Variants in PACRG observed in about 807,000 individuals in gnomAD.
The protein encoded by PACRG is parkin coregulated gene protein.
A neutral mutation model predicts 29.7 loss-of-function variants in PACRG; 29 were observed. That is an observed-to-expected ratio of 0.98 (90% CI 0.73 to 1.33). PACRG has a LOEUF of 1.33. PACRG is among the 40% of genes most tolerant of loss of function. The pLI is 0.00. For missense variants in PACRG, 279 were observed against 316.2 expected (o/e 0.88, Z 0.89); for synonymous variants, 116 against 118.7 (o/e 0.98, Z 0.15).
intron 3 of PACRG, among the ~76,000 whole-genome samples, chr6:163,073,856 G>T (rs1812300482): frequency 2.0e-5 from 3 of 152,156 alleles, no homozygotes; most frequent in African/African-American, 7.2e-5. Flanking sequence ...GATCATCAGA[G>T]AAATGCAAAT....
At chr6:163,257,272 G>C (rs978977094) in intron 4 of PACRG, among the ~76,000 whole-genome samples, 1 of 152,020 alleles carries the variant, frequency 6.6e-6, no homozygotes, top group Admixed American at 6.6e-5. Flanking sequence ...AACACAACAG[G>C]GCAATGATCT....
chr6:162,770,472 T>C (rs1783132629), intron 1 of PACRG, among the ~76,000 whole-genome samples: 1 of 152,186 alleles, frequency 6.6e-6, no homozygotes, highest in South Asian at 2.1e-4. Context: ...TTTGGGATTA[T>C]TGGCATATGA....
chr6:163,005,936 G>A (rs2182052), intron 2 of PACRG, among the ~76,000 whole-genome samples: 49,360 of 139,842 alleles, frequency 0.35, 9,441 homozygotes, highest in East Asian at 0.68. Flanking sequence ...TATATAACAT[G>A]TATAACAGTT....
chr6:162,919,696 A>G (rs1404684276), intron 2 of PACRG, among the ~76,000 whole-genome samples: 1 of 152,198 alleles, frequency 6.6e-6, no homozygotes. Context: ...TATTAATTGA[A>G]TGAAAGCATT....
In PACRG at chr6:162,893,562, C is replaced by T. The variant is rs553418427; in HGVS notation, c.291+79281C>T. 8.5e-4 allele frequency among the ~76,000 whole-genome samples: 121 copies of T among 142,878 alleles called. 1 individual carries two copies. Among genetic ancestry groups the T allele is most frequent in the African/African-American group, 2.8e-3 (108 of 38,982 alleles). 93.7% of individuals were successfully genotyped at this position (142,878 alleles called of 152,430 possible). On this transcript the variant is annotated intron_variant, in intron 2 of 4. Transcript: ENST00000366888. Reference sequence around the variant, plus strand: ...CCACACTCTGTTTTCAGAGGCACCACGCGTGCCCCAGATCTACACTCCTTG... The same window carrying T: ...CCACACTCTGTTTTCAGAGGCACCATGCGTGCCCCAGATCTACACTCCTTG...
intron 2 of PACRG, among the ~76,000 whole-genome samples, chr6:163,026,253 A>G (rs1207336438): frequency 6.6e-6 from 1 of 152,240 alleles, no homozygotes; most frequent in Non-Finnish European, 1.5e-5. Context: ...GGGAAAAATT[A>G]TATGCATTTA....
chr6:162,829,147 G>C (rs1286967679), intron 2 of PACRG, among the ~76,000 whole-genome samples: 1 of 152,184 alleles, frequency 6.6e-6, no homozygotes, highest in African/African-American at 2.4e-5. Context: ...CGTTACTAGT[G>C]AGCAGATTTA....
intron 2 of PACRG, among the ~76,000 whole-genome samples, chr6:163,036,227 A>G (rs1808174638): frequency 6.6e-6 from 1 of 152,178 alleles, no homozygotes; most frequent in Non-Finnish European, 1.5e-5. Flanking sequence ...ATCTCTCTAT[A>G]TGTTAAAACT....
At chr6:162,979,847 G>A (rs1802260128) in intron 2 of PACRG, among the ~76,000 whole-genome samples, 1 of 151,812 alleles carries the variant, frequency 6.6e-6, no homozygotes, top group Non-Finnish European at 1.5e-5. Context: ...CTATTTAATA[G>A]TAATTCGGAA....
chr6:163,114,805 T>C (rs1815893451), intron 4 of PACRG, among the ~76,000 whole-genome samples: 2 of 151,204 alleles, frequency 1.3e-5, no homozygotes, highest in African/African-American at 4.9e-5. Flanking sequence ...CAGTTAATTA[T>C]ACTCTATTGC....
chr6:162,829,659 T>C (rs1788578091), intron 2 of PACRG, among the ~76,000 whole-genome samples: 1 of 152,158 alleles, frequency 6.6e-6, no homozygotes, highest in Non-Finnish European at 1.5e-5. Context: ...TACCTAGCAA[T>C]GACATAGCCA....
intron 2 of PACRG, among the ~76,000 whole-genome samples, chr6:162,954,080 TG>T (rs1347334544): frequency 6.6e-6 from 1 of 152,238 alleles, no homozygotes; most frequent in Non-Finnish European, 1.5e-5. Flanking sequence ...ATAATTGTTT[TG>T]CCTGTGGATA....
At chr6:163,191,270 C>A (rs1201868454) in intron 4 of PACRG, among the ~76,000 whole-genome samples, 1 of 152,102 alleles carries the variant, frequency 6.6e-6, no homozygotes, top group East Asian at 1.9e-4. Flanking sequence ...CTTCCCGCCA[C>A]CCCCCAAACC....
intron 4 of PACRG, among the ~76,000 whole-genome samples, chr6:163,246,812 A>C (rs1049835248): frequency 1.3e-5 from 2 of 152,262 alleles, no homozygotes; most frequent in Admixed American, 6.5e-5. Context: ...CCAAGGAAAA[A>C]AATACAGGAG....
intron 3 of PACRG, among the ~76,000 whole-genome samples, chr6:163,070,522 A>T (rs1237131817): frequency 1.3e-5 from 2 of 152,038 alleles, no homozygotes; most frequent in Non-Finnish European, 2.9e-5. Context: ...TCTCATGGTA[A>T]CTCAAATCAA....
chr6:162,933,800 G>A (rs1798040479), intron 2 of PACRG, among the ~76,000 whole-genome samples: 1 of 152,100 alleles, frequency 6.6e-6, no homozygotes, highest in Admixed American at 6.5e-5. Context: ...GGTTCTACTA[G>A]AAAGTTCAGG....
chr6:163,018,635 T>C (rs1806323252), intron 2 of PACRG, among the ~76,000 whole-genome samples: 1 of 152,222 alleles, frequency 6.6e-6, no homozygotes, highest in African/African-American at 2.4e-5. Context: ...GCCCAGATTT[T>C]ATTTTTATTT....
intron 1 of PACRG, among the ~76,000 whole-genome samples, chr6:162,792,810 G>C (rs918569639): frequency 1.3e-5 from 2 of 152,180 alleles, no homozygotes; most frequent in African/African-American, 4.8e-5. Flanking sequence ...ACAGTGCAAT[G>C]GTTTTAGCAG....
At chr6:162,815,783 G>C (rs1787283812) in intron 2 of PACRG, among the ~76,000 whole-genome samples, 2 of 152,060 alleles carry the variant, frequency 1.3e-5, no homozygotes, top group South Asian at 2.1e-4. Context: ...GTGTTTGCCT[G>C]TCTATGTACT....
Sources: gnomAD v4.1 joint callset for allele counts (sites outside exome capture counted in the v4.1 genomes callset) on GRCh38, gnomAD v4.1.1 for gene constraint, MANE v1.5 for transcripts, NCBI Gene and HGNC (gene_info 2026-07-23, HGNC 2026-07-21) for gene names.